The following FGGY variants were observed in gnomAD, a reference collection of about 807,000 sequenced individuals.
FGGY encodes the protein FGGY carbohydrate kinase domain-containing protein.
Under a neutral mutation model 71.3 loss-of-function variants are expected in FGGY, and 72 were observed. That is an observed-to-expected ratio of 1.01 (90% CI 0.84 to 1.23). The LOEUF (loss-of-function observed/expected upper bound fraction) is 1.23. FGGY is among the 50% of genes most tolerant of loss of function. The pLI, the probability that FGGY is intolerant of heterozygous loss-of-function variation, is 0.00. For missense variants in FGGY, 668 were observed against 682.3 expected (o/e 0.98, Z 0.23); for synonymous variants, 251 against 250.3 (o/e 1.00, Z -0.02).
intron 2 of FGGY, among the ~76,000 whole-genome samples, chr1:59,330,296 A>T (rs2048212807): frequency 6.6e-6 from 1 of 152,148 alleles, no homozygotes; most frequent in Non-Finnish European, 1.5e-5. Flanking sequence ...AGTGTAAAAA[A>T]AATGAAGGGT....
intron 4 of FGGY, among the ~76,000 whole-genome samples, chr1:59,360,932 A>G (rs1049831292): frequency 6.6e-6 from 1 of 152,162 alleles, no homozygotes; most frequent in Non-Finnish European, 1.5e-5. Flanking sequence ...CCCAGCTCAG[A>G]TCTAACTCCA....
At chr1:59,669,913 C>T (rs567470274) in intron 13 of FGGY, among the ~76,000 whole-genome samples, 12 of 152,314 alleles carry the variant, frequency 7.9e-5, no homozygotes, top group African/African-American at 2.9e-4. Context: ...TGGGCTGACT[C>T]AGAAGCACGG....
chr1:59,735,127 C>A (rs1259686909), intron 14 of FGGY, among the ~76,000 whole-genome samples: 1 of 152,146 alleles, frequency 6.6e-6, no homozygotes, highest in Non-Finnish European at 1.5e-5. Context: ...GATGGGAAGA[C>A]TTCTCACAGT....
At chr1:59,443,995 C>T (rs2070620201) in intron 5 of FGGY, among the ~76,000 whole-genome samples, 1 of 152,110 alleles carries the variant, frequency 6.6e-6, no homozygotes, top group South Asian at 2.1e-4. Context: ...GCCTCAGGTC[C>T]AAGAAGCCAG....
At chr1:59,748,850 A>G (rs1471754397) in intron 14 of FGGY, among the ~76,000 whole-genome samples, 1 of 152,124 alleles carries the variant, frequency 6.6e-6, no homozygotes, top group Non-Finnish European at 1.5e-5. Flanking sequence ...GATGGCTGAG[A>G]ACCCCTCCGT....
At chr1:59,579,022 C>T (rs2096136064) in intron 8 of FGGY, among the ~76,000 whole-genome samples, 1 of 152,156 alleles carries the variant, frequency 6.6e-6, no homozygotes. Context: ...CCCACTCTCT[C>T]TTGAGCCCAA....
rs376462522 is a variant in FGGY, at chr1:59,709,085, C to T, written c.1512+34952C>T. 9.5e-4 allele frequency among the ~76,000 whole-genome samples: 144 copies of T among 152,170 alleles called. 1 individual carries two copies. Among genetic ancestry groups the T allele is most frequent in the African/African-American group, 2.9e-3 (121 of 41,510 alleles). ...ACACACATACACACACACGCGCGCG[C>T]GCATACACGTCCTCACTCTGTATTA... On this transcript the variant is annotated intron_variant, in intron 14 of 15. Coordinates refer to ENST00000303721, the MANE Select transcript of FGGY (RefSeq NM_018291.5).
intron 5 of FGGY, among the ~76,000 whole-genome samples, chr1:59,438,044 A>C (rs1307982706): frequency 6.6e-6 from 1 of 152,238 alleles, no homozygotes; most frequent in Non-Finnish European, 1.5e-5. Flanking sequence ...GTGAAGAAAT[A>C]CGACTGCTAC....
chr1:59,674,123 C>T lies in FGGY; in HGVS notation c.1502C>T (p.Ala501Val), dbSNP rs780458821. 6.2e-7 allele frequency: 1 copy of T among 1,613,686 alleles called. No homozygotes were observed. The highest frequency in any genetic ancestry group is 1.1e-5 in the South Asian group (1 of 90,988). ...GGTGCCTGTGCCTCAGGGGATTTCG[C>T]TTCTGTACAGGTATGTGAAGACCAG... is the stretch of plus-strand genomic sequence containing the variant. ...VLGACASGDF[A>V]SVQEAMAKMS... Residue 501 changes from alanine to valine, a missense_variant, in exon 14 of 16, where the codon GCT becomes GTT. Transcript: ENST00000303721.
At chr1:59,491,932 G>T (rs544248770) in intron 6 of FGGY, among the ~76,000 whole-genome samples, 5 of 152,034 alleles carry the variant, frequency 3.3e-5, no homozygotes, top group Admixed American at 6.6e-5. Flanking sequence ...GACGCGTGTC[G>T]TTCTTATTGG....
intron 14 of FGGY, among the ~76,000 whole-genome samples, chr1:59,679,973 TA>T (rs1333620980): frequency 2.6e-5 from 4 of 152,214 alleles, no homozygotes; most frequent in African/African-American, 9.6e-5. Context: ...TAGAGGCATA[TA>T]ATTGTTCAGG....
At chr1:59,613,837 A>G (rs1453766152) in intron 9 of FGGY, among the ~76,000 whole-genome samples, 4 of 152,254 alleles carry the variant, frequency 2.6e-5, no homozygotes, top group Non-Finnish European at 5.9e-5. Context: ...TCCCATAGAA[A>G]TACAAACTAC....
chr1:59,653,494 C>T (rs563808273), intron 11 of FGGY, among the ~76,000 whole-genome samples: 8 of 152,254 alleles, frequency 5.3e-5, no homozygotes, highest in South Asian at 2.1e-4. Context: ...GCGCAATATT[C>T]GGGTGGGAGT....
intron 5 of FGGY, among the ~76,000 whole-genome samples, chr1:59,389,411 T>C (rs1272430714): frequency 2.0e-5 from 3 of 152,240 alleles, no homozygotes; most frequent in Non-Finnish European, 4.4e-5. Flanking sequence ...TTCTTTTTTA[T>C]GACTGAATAA....
chr1:59,627,962 T>C (rs1223423982), intron 10 of FGGY, among the ~76,000 whole-genome samples: 2 of 152,118 alleles, frequency 1.3e-5, no homozygotes, highest in African/African-American at 4.8e-5. Context: ...AGCCTTACAA[T>C]TAATAAATGT....
chr1:59,616,243 C>T (rs1181164108), intron 9 of FGGY, among the ~76,000 whole-genome samples: 2 of 152,192 alleles, frequency 1.3e-5, no homozygotes, highest in Admixed American at 1.3e-4. Flanking sequence ...GCCAAACATC[C>T]AACAATGATA....
intron 14 of FGGY, chr1:59,756,130 C>T (rs1373094070): frequency 6.6e-6 from 1 of 152,146 alleles, no homozygotes; most frequent in Non-Finnish European, 1.5e-5. Flanking sequence ...ATGTGTTTGA[C>T]CATTTGGCCC....
At chr1:59,590,485 A>C (rs1454990487) in intron 8 of FGGY, among the ~76,000 whole-genome samples, 1 of 152,200 alleles carries the variant, frequency 6.6e-6, no homozygotes, top group Non-Finnish European at 1.5e-5. Context: ...GACACAACCA[A>C]AAAAGAGAAT....
At chr1:59,352,992 G>C (rs2053590824) in intron 4 of FGGY, among the ~76,000 whole-genome samples, 1 of 152,098 alleles carries the variant, frequency 6.6e-6, no homozygotes, top group Admixed American at 6.6e-5. Context: ...GTGTTCATCA[G>C]GTCTTAATAG....
Sources: allele counts gnomAD v4.1 joint callset (sites outside exome capture counted in the v4.1 genomes callset), GRCh38; gene constraint gnomAD v4.1.1; transcripts MANE v1.5; gene names NCBI Gene and HGNC (gene_info 2026-07-23, HGNC 2026-07-21).